The following HYCC2 variants were observed in gnomAD, a reference collection of about 807,000 sequenced individuals.
The protein encoded by HYCC2 is hyccin 2.
the HYCC2 span, among the ~76,000 whole-genome samples, chr2:201,042,749 G>A: frequency 4.1e-5 from 6 of 146,052 alleles, no homozygotes; most frequent in Admixed American, 3.4e-4. Context: ...GTGGGGGGCA[G>A]CCCCCGCCCG....
the HYCC2 span, among the ~76,000 whole-genome samples, chr2:201,039,970 C>T: frequency 1.3e-5 from 2 of 152,132 alleles, no homozygotes; most frequent in African/African-American, 2.4e-5. Flanking sequence ...GTCAGGAGAT[C>T]GAGACCATCC....
chr2:200,992,379 G>A, the HYCC2 span: 899 of 1,533,794 alleles, frequency 5.9e-4, 4 homozygotes, highest in Middle Eastern at 6.4e-3. Flanking sequence ...CTATGAAGAA[G>A]CAGATCATTT....
the HYCC2 span, among the ~76,000 whole-genome samples, chr2:201,015,605 CCAT>C: frequency 1.6e-4 from 24 of 152,242 alleles, no homozygotes; most frequent in South Asian, 1.0e-3. Context: ...CTGCACACCA[CCAT>C]AAGATTCATT....
At chr2:201,020,131 T>C in the HYCC2 span, among the ~76,000 whole-genome samples, 2 of 152,118 alleles carry the variant, frequency 1.3e-5, no homozygotes, top group African/African-American at 4.8e-5. Context: ...ATTTGAAGCA[T>C]ATGTCTCATA....
chr2:201,043,228 C>G, the HYCC2 span, among the ~76,000 whole-genome samples: 1 of 152,032 alleles, frequency 6.6e-6, no homozygotes, highest in Non-Finnish European at 1.5e-5. Context: ...TGCTTGAAGG[C>G]AGAATACTCC....
At chr2:200,975,643 T>TA in the HYCC2 span, 2 of 152,118 alleles carry the variant, frequency 1.3e-5, no homozygotes, top group African/African-American at 4.8e-5. Context: ...ACATATACCT[T>TA]ACATTTCTGT....
chr2:201,023,048 T>C, the HYCC2 span: 3 of 678,434 alleles, frequency 4.4e-6, no homozygotes, highest in Non-Finnish European at 7.4e-6. Flanking sequence ...AAAGTAAAAA[T>C]AATTAATATA....
the HYCC2 span, among the ~76,000 whole-genome samples, chr2:200,998,652 C>CT: frequency 3.3e-5 from 5 of 152,156 alleles, no homozygotes; most frequent in African/African-American, 1.2e-4. Flanking sequence ...TTTATAATGT[C>CT]TAAGAAAGTG....
chr2:201,020,437 A>G, the HYCC2 span, among the ~76,000 whole-genome samples: 2 of 152,196 alleles, frequency 1.3e-5, no homozygotes, highest in Non-Finnish European at 2.9e-5. Flanking sequence ...TGAATAAGCA[A>G]TATTTTATGA....
At chr2:201,022,279 C>G in the HYCC2 span, among the ~76,000 whole-genome samples, 2 of 152,044 alleles carry the variant, frequency 1.3e-5, no homozygotes, top group Admixed American at 6.5e-5. Context: ...TGTACTTTTT[C>G]CTTCTATCAC....
At chr2:200,992,986 A>G in the HYCC2 span, 3 of 1,612,848 alleles carry the variant, frequency 1.9e-6, no homozygotes, top group Non-Finnish European at 2.5e-6. Flanking sequence ...TTGCCGTGGA[A>G]AGCCACTCAC....
chr2:201,062,425 G>A, the HYCC2 span, among the ~76,000 whole-genome samples: 1 of 152,142 alleles, frequency 6.6e-6, no homozygotes, highest in Non-Finnish European at 1.5e-5. Flanking sequence ...GAGGCAGGCA[G>A]ATCACAAGGT....
At chr2:200,974,781 A>T in the HYCC2 span, 1 of 151,986 alleles carries the variant, frequency 6.6e-6, no homozygotes, top group Admixed American at 6.6e-5. Flanking sequence ...TAAATCATTT[A>T]GTTCTTATTG....
chr2:201,017,277 A>C, the HYCC2 span: 1 of 833,640 alleles, frequency 1.2e-6, no homozygotes. Flanking sequence ...AAAAGTCTTA[A>C]TATTAATTTC....
chr2:201,005,097 T>C, the HYCC2 span, among the ~76,000 whole-genome samples: 3 of 148,294 alleles, frequency 2.0e-5, no homozygotes, highest in Admixed American at 2.0e-4. Context: ...AGCAATTGCG[T>C]GGAATGAAAG....
the HYCC2 span, among the ~76,000 whole-genome samples, chr2:201,032,014 T>C: frequency 6.6e-6 from 1 of 152,078 alleles, no homozygotes; most frequent in Non-Finnish European, 1.5e-5. Context: ...CAGGCTGGAG[T>C]GTAGTGGCAC....
the HYCC2 span, among the ~76,000 whole-genome samples, chr2:201,056,739 T>C: frequency 0.028 from 4,308 of 151,402 alleles, 211 homozygotes; most frequent in African/African-American, 0.099. Context: ...TTCGGTGGTA[T>C]TCAAAGCGTC....
chr2:201,003,610 G>T, the HYCC2 span, among the ~76,000 whole-genome samples: 1 of 151,572 alleles, frequency 6.6e-6, no homozygotes, highest in African/African-American at 2.4e-5. Context: ...TCAGGAGGCT[G>T]AGACAGGAGA....
At chr2:201,056,186 T>C in the HYCC2 span, among the ~76,000 whole-genome samples, 1 of 149,166 alleles carries the variant, frequency 6.7e-6, no homozygotes, top group Non-Finnish European at 1.5e-5. Flanking sequence ...AGTGCGAGAC[T>C]CCGTCTCAAA....
Sources: allele counts gnomAD v4.1 joint callset (sites outside exome capture counted in the v4.1 genomes callset), GRCh38; gene constraint gnomAD v4.1.1; transcripts MANE v1.5; gene names NCBI Gene and HGNC (gene_info 2026-07-23, HGNC 2026-07-21).